The following ATRNL1 variants were observed in gnomAD, a reference collection of about 807,000 sequenced individuals.
The protein encoded by ATRNL1 is attractin like 1.
Under a neutral mutation model 182.7 loss-of-function variants are expected in ATRNL1, and 95 were observed. That is an observed-to-expected ratio of 0.52 (90% CI 0.44 to 0.62). The LOEUF is 0.62. ATRNL1 is among the 20% of genes least tolerant of loss of function. ATRNL1 has a pLI of 0.00. For missense variants in ATRNL1, 1,471 were observed against 1,679.5 expected, an observed-to-expected ratio of 0.88 and a Z score of 2.17; for synonymous variants, 576 against 568.3, an observed-to-expected ratio of 1.01 and a Z score of -0.19.
chr10:115,891,836 A>AT (rs1444255406), intron 28 of ATRNL1, among the ~76,000 whole-genome samples: 5 of 152,006 alleles, frequency 3.3e-5, no homozygotes, highest in Non-Finnish European at 5.9e-5. Flanking sequence ...AATAAGACTG[A>AT]TTTTTTTTGT....
chr10:115,821,534 A>G (rs1375228140), intron 27 of ATRNL1, among the ~76,000 whole-genome samples: 1 of 152,236 alleles, frequency 6.6e-6, no homozygotes, highest in Non-Finnish European at 1.5e-5. Flanking sequence ...TGCTGTATTC[A>G]GGAGACCCAT....
In ATRNL1 at chr10:115,215,715, T is replaced by C; in HGVS notation, c.1367T>C (p.Val456Ala). ...EYHISSNTWL[V>A]PETKGAIVQG... ...GTTACAGCATCAAACACTTGGCTTG[T>C]TCCAGAAACTAAAGGAGCTATTGTA... Residue 456 changes from valine to alanine, a missense_variant, in exon 9 of 29, where the codon GTT becomes GCT. Physicochemically the swap from Val to Ala is moderately conservative, Grantham distance 64 (BLOSUM62 0). Around this residue, in one of 3 missense-constraint regions of ATRNL1, gnomAD observed 1,031 missense variants for 1,156.0 expected, o/e 0.89. Coordinates refer to ENST00000355044, the MANE Select transcript of ATRNL1 (RefSeq NM_207303.4). 1.3e-6 allele frequency: 2 copies of C among 1,596,732 alleles called. No homozygotes were observed. The highest frequency in any genetic ancestry group is 1.8e-5 in the Admixed American group (1 of 56,088).
At chr10:115,713,098 A>C (rs1164955251) in intron 26 of ATRNL1, among the ~76,000 whole-genome samples, 1 of 152,026 alleles carries the variant, frequency 6.6e-6, no homozygotes, top group African/African-American at 2.4e-5. Flanking sequence ...GTATGTCTCT[A>C]TGACTTTACT....
At chr10:115,389,540 G>GTGTATATATA (rs1279140127) in intron 19 of ATRNL1, among the ~76,000 whole-genome samples, 2 of 44,490 alleles carry the variant, frequency 4.5e-5, no homozygotes, top group African/African-American at 1.5e-4. Context: ...ATGTGTATGT[G>GTGTATATATA]TATATATATA....
At chr10:115,463,753 T>C (rs1181789237) in intron 22 of ATRNL1, among the ~76,000 whole-genome samples, 2 of 152,082 alleles carry the variant, frequency 1.3e-5, no homozygotes, top group Non-Finnish European at 2.9e-5. Flanking sequence ...AATGTAATCA[T>C]TTGTCCTTTT....
intron 1 of ATRNL1, among the ~76,000 whole-genome samples, chr10:115,108,965 G>A (rs1333350954): frequency 6.6e-6 from 1 of 152,132 alleles, no homozygotes; most frequent in Non-Finnish European, 1.5e-5. Flanking sequence ...ACTCCAGTTT[G>A]CAGTATCTCT....
chr10:115,920,603 A>G (rs140273848), intron 28 of ATRNL1, among the ~76,000 whole-genome samples: 1 of 152,180 alleles, frequency 6.6e-6, no homozygotes, highest in Non-Finnish European at 1.5e-5. Flanking sequence ...CCCCAGGGGG[A>G]ATTTGTATAA....
At chr10:115,768,472 T>G (rs782688846) in intron 27 of ATRNL1, among the ~76,000 whole-genome samples, 1 of 152,164 alleles carries the variant, frequency 6.6e-6, no homozygotes, top group Admixed American at 6.5e-5. Context: ...CTAATTACCT[T>G]TGATACCTTT....
chr10:115,574,222 A>G (rs952352942), intron 26 of ATRNL1, among the ~76,000 whole-genome samples: 8 of 151,076 alleles, frequency 5.3e-5, no homozygotes, highest in Non-Finnish European at 8.9e-5. Flanking sequence ...AAATATAACT[A>G]CAGCAATATA....
intron 26 of ATRNL1, among the ~76,000 whole-genome samples, chr10:115,631,805 G>T (rs1858531156): frequency 6.6e-6 from 1 of 152,042 alleles, no homozygotes; most frequent in African/African-American, 2.4e-5. Context: ...CATTTTGAAA[G>T]GAAGAGAATG....
At chr10:115,096,723 A>T in intron 1 of ATRNL1, 1 of 1,287,442 alleles carries the variant, frequency 7.8e-7, no homozygotes, top group Non-Finnish European at 1.0e-6. Context: ...AGAAATGCAG[A>T]AGCAAATATA....
intron 26 of ATRNL1, among the ~76,000 whole-genome samples, chr10:115,590,844 G>C (rs1057417600): frequency 1.3e-5 from 2 of 152,150 alleles, no homozygotes; most frequent in East Asian, 1.9e-4. Context: ...CTGAACTCCT[G>C]TTGATCAGAG....
intron 26 of ATRNL1, among the ~76,000 whole-genome samples, chr10:115,608,911 C>A (rs1857007256): frequency 6.6e-6 from 1 of 151,652 alleles, no homozygotes; most frequent in Non-Finnish European, 1.5e-5. Context: ...CTTTTGTTTG[C>A]TTTACTGTAT....
At chr10:115,149,680 G>A (rs1475711004) in intron 5 of ATRNL1, among the ~76,000 whole-genome samples, 1 of 152,074 alleles carries the variant, frequency 6.6e-6, no homozygotes. Context: ...GCATCCCTGG[G>A]ATAAATCTCA....
intron 17 of ATRNL1, among the ~76,000 whole-genome samples, chr10:115,304,726 A>C (rs1853642214): frequency 6.6e-6 from 1 of 151,602 alleles, no homozygotes; most frequent in East Asian, 2.0e-4. Flanking sequence ...TTAATATGCA[A>C]ATGCAGGGCA....
intron 10 of ATRNL1, among the ~76,000 whole-genome samples, chr10:115,244,170 T>A (rs1850533799): frequency 6.6e-6 from 1 of 152,168 alleles, no homozygotes; most frequent in East Asian, 1.9e-4. Context: ...TTGGTGCATT[T>A]ATGGAAGGCA....
intron 22 of ATRNL1, among the ~76,000 whole-genome samples, chr10:115,463,951 C>A (rs1847935004): frequency 6.6e-6 from 1 of 151,940 alleles, no homozygotes; most frequent in Non-Finnish European, 1.5e-5. Context: ...GAATAATATT[C>A]CTCCACAGTA....
At position 115,522,762 on chromosome 10, in the gene ATRNL1, CTCCAAGATACAA is replaced by C. The variant is rs576724317; in HGVS notation, c.3716+3440_3716+3451del. Among the ~76,000 whole-genome samples the C allele has an allele frequency of 3.6e-3, 547 of 152,272 alleles. 2 individuals carry two copies. The highest frequency in any genetic ancestry group is 0.01 in the Middle Eastern group (3 of 294). On this transcript the variant is annotated intron_variant, in intron 25 of 28. Coordinates refer to ENST00000355044, the MANE Select transcript of ATRNL1 (RefSeq NM_207303.4). Reference sequence around the variant, plus strand: ...GTAAAATCAAAATCAAATTATTTATCTCCAAGATACAATGGTGGAACAAATATTGAGTAAACA... The same window carrying C: ...GTAAAATCAAAATCAAATTATTTATCTGGTGGAACAAATATTGAGTAAACA...
At position 115,156,958 on chromosome 10, in the gene ATRNL1, T is replaced by A. The variant is rs1334599425; in HGVS notation, c.830-3082T>A. 2.6e-5 allele frequency among the ~76,000 whole-genome samples: 4 copies of A among 151,962 alleles called. No homozygotes were observed. The East Asian group carries it at 5.8e-4, about 22-fold the overall frequency. Reference sequence around the variant, plus strand: ...GATGGTTACCAGAGGCTGGGAAAGGTTTCGGGGAGAGAGGGATGACGAGAG... The same window carrying A: ...GATGGTTACCAGAGGCTGGGAAAGGATTCGGGGAGAGAGGGATGACGAGAG... On this transcript the variant is annotated intron_variant, in intron 5 of 28. Transcript: ENST00000355044.
Sources: gnomAD v4.1 joint callset for allele counts (sites outside exome capture counted in the v4.1 genomes callset) on GRCh38, gnomAD v4.1.1 for gene constraint, gnomAD v4.1.1 regional missense constraint, MANE v1.5 for transcripts, NCBI Gene and HGNC (gene_info 2026-07-23, HGNC 2026-07-21) for gene names.